The following VWA8 variants were observed in gnomAD, a reference collection of about 807,000 sequenced individuals.
VWA8 encodes von Willebrand factor A domain containing 8.
In VWA8, 221 loss-of-function variants were observed where a neutral mutation model predicts 241.5. That is an observed-to-expected ratio of 0.91 (90% CI 0.82 to 1.02). The LOEUF (loss-of-function observed/expected upper bound fraction) is 1.02, where lower values mean the gene tolerates loss of function less well. Ranked by LOEUF, VWA8 falls within the 50% of genes least tolerant of loss-of-function variation. VWA8 has a pLI of 0.00. For synonymous variants in VWA8, 852 were observed against 827.1 expected, an observed-to-expected ratio of 1.03 and a Z score of -0.52; for missense variants, 2,322 against 2,328.7, an observed-to-expected ratio of 1.00 and a Z score of 0.06.
intron 4 of VWA8, among the ~76,000 whole-genome samples, chr13:41,894,220 C>T (rs968156813): frequency 6.6e-6 from 1 of 152,228 alleles, no homozygotes; most frequent in African/African-American, 2.4e-5. Context: ...AACACTGCAG[C>T]TCCACTTTCA....
At chr13:41,877,445 T>C (rs531705878) in intron 9 of VWA8, among the ~76,000 whole-genome samples, 2 of 152,190 alleles carry the variant, frequency 1.3e-5, no homozygotes, top group East Asian at 3.9e-4. Flanking sequence ...TATTGAAATA[T>C]CTGATGCTCC....
chr13:41,732,281 AC>A, intron 21 of VWA8, 126 bp from the exon 22 acceptor site: 2 of 698,622 alleles, frequency 2.9e-6, no homozygotes, highest in Non-Finnish European at 2.3e-6. Context: ...CCCTTCCCCC[AC>A]CAAAAAAAAA....
At chr13:41,888,537 G>A (rs906979558) in intron 5 of VWA8, among the ~76,000 whole-genome samples, 2 of 152,024 alleles carry the variant, frequency 1.3e-5, no homozygotes, top group African/African-American at 4.8e-5. Flanking sequence ...CATCTTCTTG[G>A]AACAACACCC....
intron 20 of VWA8, among the ~76,000 whole-genome samples, chr13:41,762,913 A>C (rs1157059261): frequency 6.6e-6 from 1 of 152,102 alleles, no homozygotes; most frequent in East Asian, 1.9e-4. Flanking sequence ...AAAAGGAGTG[A>C]GGATTCTGGT....
At chr13:41,855,685 G>A (rs914837868) in intron 12 of VWA8, among the ~76,000 whole-genome samples, 2 of 152,024 alleles carry the variant, frequency 1.3e-5, no homozygotes, top group Admixed American at 6.6e-5. Flanking sequence ...ACTACACAAG[G>A]GAACAAGGGA....
At chr13:41,921,479 G>A (rs1593871263) in intron 2 of VWA8, among the ~76,000 whole-genome samples, 1 of 152,174 alleles carries the variant, frequency 6.6e-6, no homozygotes, top group African/African-American at 2.4e-5. Context: ...ATTCGATTAG[G>A]AAAACAGGAA....
rs368117163 is a variant in VWA8, at chr13:41,860,597, T to C, written c.1425+5139A>G. Among the ~76,000 whole-genome samples, 263 of 152,296 alleles carry C rather than the reference T, an allele frequency of 1.7e-3. 2 individuals carry two copies. Among genetic ancestry groups the C allele is most frequent in the African/African-American group, 5.8e-3 (242 of 41,580 alleles). ...TGCATTAATAAACTGAACAGGAAACTGAAAAACATTAAAATAAAATAATGT... is the reference window on the plus strand; with the variant it reads ...TGCATTAATAAACTGAACAGGAAACCGAAAAACATTAAAATAAAATAATGT... On this transcript the variant is annotated intron_variant, in intron 12 of 44. Coordinates refer to ENST00000379310, the MANE Select transcript of VWA8 (RefSeq NM_015058.2).
intron 39 of VWA8, 82 bp downstream of exon 39, chr13:41,611,494 C>T: frequency 6.7e-7 from 1 of 1,501,130 alleles, no homozygotes; most frequent in Non-Finnish European, 9.0e-7. Flanking sequence ...TGGAAACACA[C>T]ACAAATCTAG....
In VWA8 at chr13:41,570,707, C is replaced by T. The variant is rs927359227; in HGVS notation, c.5371-1G>A. The stretch of plus-strand genomic sequence containing the variant: ...AGAACTGAGAGTGGGCATGCATTGT[C>T]TGGAGGTAAAAGAAGTTGCACAAAA... On this transcript the variant is annotated splice_acceptor_variant, in intron 43 of 44. Coordinates refer to ENST00000379310, the MANE Select transcript of VWA8 (RefSeq NM_015058.2). LOFTEE classifies it high-confidence loss of function. The T allele has an allele frequency of 4.4e-6, 7 of 1,608,550 alleles. No homozygotes were observed. Among genetic ancestry groups the T allele is most frequent in the Middle Eastern group, 1.7e-4 (1 of 6,060 alleles).
chr13:41,763,119 A>T (rs2045752962), intron 20 of VWA8, among the ~76,000 whole-genome samples: 1 of 151,806 alleles, frequency 6.6e-6, no homozygotes, highest in Non-Finnish European at 1.5e-5. Context: ...ACAAAAAACA[A>T]ACAAACAAAC....
intron 2 of VWA8, among the ~76,000 whole-genome samples, chr13:41,947,613 G>C (rs1877908406): frequency 6.6e-6 from 1 of 152,174 alleles, no homozygotes; most frequent in African/African-American, 2.4e-5. Flanking sequence ...TTGCTAGTTA[G>C]AATGTAACAT....
chr13:41,873,883 A>G lies in VWA8; in HGVS notation c.1081-5406T>C, dbSNP rs1267204437. On this transcript the variant is annotated intron_variant, in intron 9 of 44. Coordinates refer to ENST00000379310, the MANE Select transcript of VWA8 (RefSeq NM_015058.2). ...AAAGCCGGGCAGAGACACAACCAAA[A>G]AAGAGAATTTTAGACCAATATCCTT... Among the ~76,000 whole-genome samples the G allele has an allele frequency of 3.8e-4, 58 of 152,274 alleles. 1 individual carries two copies. In the South Asian group the frequency reaches 0.012, roughly 32 times the overall value.
intron 17 of VWA8, among the ~76,000 whole-genome samples, chr13:41,810,827 T>C (rs1870432913): frequency 6.6e-6 from 1 of 152,136 alleles, no homozygotes; most frequent in Non-Finnish European, 1.5e-5. Flanking sequence ...ATTCACCCTG[T>C]TGTGATTATT....
chr13:41,689,383 T>C lies in VWA8; in HGVS notation c.4102A>G (p.Thr1368Ala). The C allele has an allele frequency of 6.2e-7, 1 of 1,611,464 alleles. No homozygotes were observed. The highest frequency in any genetic ancestry group is 8.5e-7 in the Non-Finnish European group (1 of 1,178,848). ...RILSDEKNYA[T>A]IVVGFPDLMS... Reference sequence around the variant, plus strand: ...AGATCTGGAAAACCAACAACTATTGTAGCATAATTTTTCTCATCTGAGAGA... The same window carrying C: ...AGATCTGGAAAACCAACAACTATTGCAGCATAATTTTTCTCATCTGAGAGA... Residue 1368 changes from threonine to alanine, a missense_variant, in exon 34 of 45, where the codon ACA (threonine) becomes GCA (alanine). Thr to Ala is a moderately conservative substitution (Grantham distance 58, BLOSUM62 0). Transcript: ENST00000379310.
intron 37 of VWA8, among the ~76,000 whole-genome samples, chr13:41,638,713 C>T (rs2044775282): frequency 6.6e-6 from 1 of 151,904 alleles, no homozygotes; most frequent in Non-Finnish European, 1.5e-5. Flanking sequence ...GAATGGAGGT[C>T]CGAAAGTAGT....
At chr13:41,659,541 G>A (rs1169970388) in intron 37 of VWA8, among the ~76,000 whole-genome samples, 1 of 152,134 alleles carries the variant, frequency 6.6e-6, no homozygotes, top group Non-Finnish European at 1.5e-5. Context: ...TATTAGAATA[G>A]TATTAGTGAA....
intron 24 of VWA8, 126 bp from the exon 25 acceptor site, chr13:41,721,701 T>G: frequency 1.0e-6 from 1 of 963,446 alleles, no homozygotes; most frequent in South Asian, 1.7e-5. Context: ...CATCCAACAA[T>G]AGGATGGTAC....
intron 20 of VWA8, among the ~76,000 whole-genome samples, chr13:41,768,412 C>G (rs990278896): frequency 1.3e-5 from 2 of 152,094 alleles, no homozygotes; most frequent in African/African-American, 4.8e-5. Context: ...TCAACATTTA[C>G]TAAACCTCTA....
chr13:41,766,566 A>T (rs139956996), intron 20 of VWA8, among the ~76,000 whole-genome samples: 2 of 152,184 alleles, frequency 1.3e-5, no homozygotes, highest in South Asian at 4.1e-4. Context: ...TTACCTTTCC[A>T]TATCCATATC....
Sources: allele counts gnomAD v4.1 joint callset (sites outside exome capture counted in the v4.1 genomes callset), GRCh38; gene constraint gnomAD v4.1.1; transcripts MANE v1.5; gene names NCBI Gene and HGNC (gene_info 2026-07-23, HGNC 2026-07-21).